Variants in FRMD4A observed in about 807,000 individuals in gnomAD.
FRMD4A encodes the protein FERM domain-containing protein 4A.
FRMD4A carries 29 observed loss-of-function variants against 129.1 expected under a neutral mutation model. The observed-to-expected ratio is 0.22, with a 90% CI of 0.17 to 0.31. FRMD4A has a LOEUF of 0.31. Among genes scored for constraint, FRMD4A ranks in the 10% least tolerant of loss-of-function variants. FRMD4A has a pLI of 1.00. For missense variants in FRMD4A, 1,272 were observed against 1,375.8 expected, an observed-to-expected ratio of 0.92 and a Z score of 1.19; for synonymous variants, 634 against 571.6, an observed-to-expected ratio of 1.11 and a Z score of -1.56.
chr10:13,657,330 G>A lies in FRMD4A; in HGVS notation c.2259C>T (p.His753=), dbSNP rs771994569. ...CCGGGTAGTAGTGCTCCGAGCTCGA[G>A]TGGCTGGTGCACGACGAGCAGTCGT... The part of the protein sequence containing the change: ...PMDDCSSCTS[H]SSSEHYYPAQ... The change falls in exon 22 of 25, where the codon CAC becomes CAT. Residue 753 remains histidine, a synonymous_variant. Coordinates refer to ENST00000357447, the MANE Select transcript of FRMD4A (RefSeq NM_018027.5). The A allele has an allele frequency of 8.1e-6, 13 of 1,609,846 alleles. No individual in the cohort carries two copies. The highest frequency in any genetic ancestry group is 1.1e-5 in the Non-Finnish European group (13 of 1,179,262).
intron 2 of FRMD4A, among the ~76,000 whole-genome samples, chr10:14,186,542 G>A (rs1173658872): frequency 2.0e-5 from 3 of 152,148 alleles, no homozygotes; most frequent in African/African-American, 7.2e-5. Context: ...CACAAACCTG[G>A]TGTCATAGTC....
chr10:13,680,041 AG>A (rs1308618360), intron 15 of FRMD4A, among the ~76,000 whole-genome samples: 7 of 152,256 alleles, frequency 4.6e-5, no homozygotes, highest in Non-Finnish European at 1.5e-5. Context: ...GCTACAAGAC[AG>A]GGAGAAATCA....
chr10:14,283,993 C>G (rs1485209646), intron 2 of FRMD4A, among the ~76,000 whole-genome samples: 2 of 140,538 alleles, frequency 1.4e-5, no homozygotes, highest in Non-Finnish European at 3.3e-5. Flanking sequence ...AACTTGCTCA[C>G]GGTCAAACAA....
At chr10:14,119,009 G>A (rs1325783624) in intron 2 of FRMD4A, among the ~76,000 whole-genome samples, 2 of 152,148 alleles carry the variant, frequency 1.3e-5, no homozygotes, top group Non-Finnish European at 2.9e-5. Context: ...GATGAGCTAA[G>A]AACCCCAACG....
chr10:13,813,051 G>A (rs1297268758), intron 3 of FRMD4A, among the ~76,000 whole-genome samples: 3 of 152,222 alleles, frequency 2.0e-5, no homozygotes, highest in African/African-American at 7.2e-5. Context: ...CATGGGCTGT[G>A]GCCAGCACTA....
chr10:14,219,491 G>A (rs1245491195), intron 2 of FRMD4A, among the ~76,000 whole-genome samples: 1 of 152,120 alleles, frequency 6.6e-6, no homozygotes, highest in Non-Finnish European at 1.5e-5. Flanking sequence ...CACAAATGAG[G>A]GACCCGTGCT....
chr10:14,330,082 G>C lies in FRMD4A; in HGVS notation c.21C>G (p.Pro7=), dbSNP rs150706825. MAVQLV[P]DSALGLLMMT... ...CCATCAGCAGGCCGAGAGCTGAGTCGGGCACCAGCTGCACTGCCATGGTCT... is the reference window on the plus strand; with the variant it reads ...CCATCAGCAGGCCGAGAGCTGAGTCCGGCACCAGCTGCACTGCCATGGTCT... The change falls in exon 2 of 25, where the codon CCC becomes CCG. Residue 7 remains proline, a synonymous_variant. Coordinates refer to ENST00000357447, the MANE Select transcript of FRMD4A (RefSeq NM_018027.5). 2.6e-6 allele frequency: 4 copies of C among 1,553,352 alleles called. No individual in the cohort carries two copies. Among genetic ancestry groups the C allele is most frequent in the Non-Finnish European group, 3.5e-6 (4 of 1,147,852 alleles).
chr10:14,251,712 C>T (rs1020362636), intron 2 of FRMD4A, among the ~76,000 whole-genome samples: 5 of 152,194 alleles, frequency 3.3e-5, no homozygotes, highest in Admixed American at 2.6e-4. Flanking sequence ...TCAGGGTTTA[C>T]GTGGGCCCTG....
intron 2 of FRMD4A, among the ~76,000 whole-genome samples, chr10:14,098,869 G>A (rs939367262): frequency 4.6e-5 from 7 of 152,154 alleles, no homozygotes; most frequent in Non-Finnish European, 4.4e-5. Flanking sequence ...CATAGCGGGC[G>A]TGCATATGAA....
At chr10:14,047,517 A>G (rs994087388) in intron 2 of FRMD4A, among the ~76,000 whole-genome samples, 2 of 152,174 alleles carry the variant, frequency 1.3e-5, no homozygotes, top group African/African-American at 2.4e-5. Context: ...AATCTGTACA[A>G]TCTTTAATGC....
chr10:13,982,898 G>A (rs1036374942), intron 2 of FRMD4A, among the ~76,000 whole-genome samples: 3 of 152,284 alleles, frequency 2.0e-5, no homozygotes, highest in African/African-American at 7.2e-5. Flanking sequence ...TCGCCCTACA[G>A]GTGCATCAGC....
At chr10:13,732,220 T>C (rs775350234) in intron 12 of FRMD4A, among the ~76,000 whole-genome samples, 1 of 152,160 alleles carries the variant, frequency 6.6e-6, no homozygotes, top group Non-Finnish European at 1.5e-5. Context: ...GAAACTAGGA[T>C]GGCAAACTGC....
At chr10:14,163,578 C>T (rs1478460537) in intron 2 of FRMD4A, among the ~76,000 whole-genome samples, 1 of 152,192 alleles carries the variant, frequency 6.6e-6, no homozygotes, top group Non-Finnish European at 1.5e-5. Flanking sequence ...ACATTTCTGA[C>T]AGAAGGAAAC....
intron 6 of FRMD4A, among the ~76,000 whole-genome samples, chr10:13,781,517 A>G (rs1416550564): frequency 1.3e-5 from 2 of 151,472 alleles, no homozygotes; most frequent in Non-Finnish European, 2.9e-5. Context: ...ACCTAGAATC[A>G]CAGACACAAA....
Position 14,115,299 on chromosome 10 carries a change from C to A in FRMD4A, c.45+214759G>T, listed in dbSNP as rs558549266. 1.3e-3 allele frequency among the ~76,000 whole-genome samples: 198 copies of A among 152,366 alleles called. 1 individual carries two copies. Among genetic ancestry groups the A allele is most frequent in the Admixed American group, 2.8e-3 (43 of 15,306 alleles). ...GGCAAATCTGGCTATTCCTTGATCA[C>A]AACTAATGCAAAAGTCCCAGGCCAT... On this transcript the variant is annotated intron_variant, in intron 2 of 24. Transcript: ENST00000357447.
chr10:14,076,408 A>C (rs1835606220), intron 2 of FRMD4A, among the ~76,000 whole-genome samples: 1 of 152,130 alleles, frequency 6.6e-6, no homozygotes, highest in Non-Finnish European at 1.5e-5. Flanking sequence ...TGGGGGGCCG[A>C]GGCAGGTGGA....
intron 5 of FRMD4A, among the ~76,000 whole-genome samples, chr10:13,786,227 C>T (rs2092857935): frequency 6.6e-6 from 1 of 152,190 alleles, no homozygotes; most frequent in Non-Finnish European, 1.5e-5. Flanking sequence ...AACTAGTTTA[C>T]AGTCCCACCA....
At chr10:14,288,037 T>G (rs999847065) in intron 2 of FRMD4A, among the ~76,000 whole-genome samples, 1 of 151,990 alleles carries the variant, frequency 6.6e-6, no homozygotes, top group African/African-American at 2.4e-5. Flanking sequence ...AATAAATGAC[T>G]TTCTACGGTG....
chr10:14,002,241 T>C (rs1455211267), intron 2 of FRMD4A, among the ~76,000 whole-genome samples: 2 of 152,190 alleles, frequency 1.3e-5, no homozygotes, highest in Non-Finnish European at 2.9e-5. Context: ...GTCTCATTTT[T>C]CCCCCAATAA....
Sources: gnomAD v4.1 joint callset for allele counts (sites outside exome capture counted in the v4.1 genomes callset) on GRCh38, gnomAD v4.1.1 for gene constraint, MANE v1.5 for transcripts, NCBI Gene and HGNC (gene_info 2026-07-23, HGNC 2026-07-21) for gene names.